Variants in OXR1 observed in about 807,000 individuals in gnomAD.
The protein encoded by OXR1 is oxidation resistance protein 1.
In OXR1, 41 loss-of-function variants were observed where a neutral mutation model predicts 104.6. The ratio of observed to expected loss-of-function variants is 0.39; its 90% CI spans 0.31 to 0.51. The LOEUF (loss-of-function observed/expected upper bound fraction) is 0.51. Ranked by LOEUF, OXR1 falls within the 20% of genes least tolerant of loss-of-function variation. The pLI, the probability that OXR1 is intolerant of heterozygous loss-of-function variation, is 0.77. For synonymous variants in OXR1, 348 were observed against 348.4 expected (o/e 1.00, Z 0.01); for missense variants, 955 against 1,031.9 (o/e 0.93, Z 1.02).
intron 1 of OXR1, among the ~76,000 whole-genome samples, chr8:106,315,717 G>A (rs976054147): frequency 2.6e-5 from 4 of 152,120 alleles, no homozygotes; most frequent in Non-Finnish European, 5.9e-5. Context: ...TCTCCATTTC[G>A]TAGAAAGGAA....
chr8:106,573,464 T>C (rs1817619656), intron 3 of OXR1, among the ~76,000 whole-genome samples: 1 of 152,150 alleles, frequency 6.6e-6, no homozygotes, highest in Non-Finnish European at 1.5e-5. Flanking sequence ...GCAGAGATGC[T>C]GTATTCAGTA....
At chr8:106,298,084 G>T (rs762941746) in intron 1 of OXR1, among the ~76,000 whole-genome samples, 7 of 152,094 alleles carry the variant, frequency 4.6e-5, no homozygotes, top group Non-Finnish European at 1.0e-4. Flanking sequence ...AGTATGATTT[G>T]TTTCTCTGCC....
In OXR1 at chr8:106,485,960, G is replaced by A. The variant is rs78283786; in HGVS notation, c.24-32983G>A. Among the ~76,000 whole-genome samples the A allele has an allele frequency of 6.6e-5, 10 of 151,888 alleles. No homozygotes were observed. In the East Asian group the frequency reaches 7.8e-4, roughly 12 times the overall value. On this transcript the variant is annotated intron_variant, in intron 2 of 16. Coordinates refer to ENST00000517566, the MANE Select transcript of OXR1 (RefSeq NM_001198533.2). Reference sequence around the variant, plus strand: ...GTGGTTACCAACAGCTGGGACAGAGGGGGTGGGGGTGGAGTTTGAGGAGAT... The same window carrying A: ...GTGGTTACCAACAGCTGGGACAGAGAGGGTGGGGGTGGAGTTTGAGGAGAT...
chr8:106,291,737 TAGACACAGTTCCACATGGCTGGGG>T (rs1352197773), intron 1 of OXR1, among the ~76,000 whole-genome samples: 1 of 152,290 alleles, frequency 6.6e-6, no homozygotes, highest in East Asian at 1.9e-4. Context: ...GGAGGTTTAA[TAGACACAGTTCCACATGGCTGGGG>T]AGGGCTCACA....
chr8:106,443,721 G>A (rs896420948), intron 2 of OXR1, among the ~76,000 whole-genome samples: 6 of 152,176 alleles, frequency 3.9e-5, no homozygotes. Context: ...AAGAGACTAG[G>A]ATTGCAACCC....
At chr8:106,718,483 G>A (rs11988518) in intron 11 of OXR1, among the ~76,000 whole-genome samples, 44,275 of 152,014 alleles carry the variant, frequency 0.29, 8,225 homozygotes, top group African/African-American at 0.53. Context: ...TACTGCTCAC[G>A]ATGTGTAAAG....
At chr8:106,336,712 T>C (rs903103254) in intron 1 of OXR1, among the ~76,000 whole-genome samples, 10 of 152,246 alleles carry the variant, frequency 6.6e-5, no homozygotes, top group Non-Finnish European at 1.0e-4. Context: ...CTTCTGAAGA[T>C]ATTTCATTTT....
intron 2 of OXR1, among the ~76,000 whole-genome samples, chr8:106,491,811 G>A (rs1811105899): frequency 6.6e-6 from 1 of 152,216 alleles, no homozygotes; most frequent in African/African-American, 2.4e-5. Context: ...AAATTCATAG[G>A]TATCAATTGA....
At chr8:106,491,662 C>T (rs996948117) in intron 2 of OXR1, among the ~76,000 whole-genome samples, 10 of 152,112 alleles carry the variant, frequency 6.6e-5, no homozygotes, top group Admixed American at 3.3e-4. Flanking sequence ...ACACTTCTGC[C>T]GGGTGAGGAC....
At chr8:106,682,716 C>G (rs563107429) in intron 4 of OXR1, among the ~76,000 whole-genome samples, 1 of 152,164 alleles carries the variant, frequency 6.6e-6, no homozygotes, top group South Asian at 2.1e-4. Flanking sequence ...ACGAATGATT[C>G]AGAACTAAAT....
At chr8:106,408,327 G>T (rs763465076) in intron 2 of OXR1, among the ~76,000 whole-genome samples, 27 of 151,626 alleles carry the variant, frequency 1.8e-4, no homozygotes, top group Admixed American at 8.5e-4. Flanking sequence ...CACTGCTCTT[G>T]CAATTTTTAA....
chr8:106,692,925 T>A, intron 7 of OXR1, 48 bp downstream of exon 7: 1 of 1,316,580 alleles, frequency 7.6e-7, no homozygotes, highest in Non-Finnish European at 1.1e-6. Flanking sequence ...CTTTAGTTAT[T>A]ACTAATGTAT....
At chr8:106,294,546 A>G (rs992077190) in intron 1 of OXR1, among the ~76,000 whole-genome samples, 11 of 152,102 alleles carry the variant, frequency 7.2e-5, no homozygotes, top group African/African-American at 2.4e-4. Flanking sequence ...GAAGCTTACA[A>G]TCATGGCAGA....
intron 4 of OXR1, among the ~76,000 whole-genome samples, chr8:106,680,208 A>G (rs1828012167): frequency 6.6e-6 from 1 of 152,088 alleles, no homozygotes; most frequent in Non-Finnish European, 1.5e-5. Flanking sequence ...GATGAAATAA[A>G]ATTTACTAAT....
chr8:106,296,366 CTAA>C (rs1423765067), intron 1 of OXR1, among the ~76,000 whole-genome samples: 3 of 152,086 alleles, frequency 2.0e-5, no homozygotes, highest in Admixed American at 1.3e-4. Context: ...GATGATAGTA[CTAA>C]TAATGATATT....
intron 1 of OXR1, among the ~76,000 whole-genome samples, chr8:106,287,210 C>A (rs900835164): frequency 2.0e-5 from 3 of 152,122 alleles, no homozygotes; most frequent in African/African-American, 7.2e-5. Flanking sequence ...CTCATGATTT[C>A]TTTATGAAAA....
chr8:106,705,006 G>A (rs376068048), intron 8 of OXR1, among the ~76,000 whole-genome samples: 1 of 152,198 alleles, frequency 6.6e-6, no homozygotes, highest in African/African-American at 2.4e-5. Flanking sequence ...CTCCTTGGGA[G>A]GTTGATTTCA....
intron 2 of OXR1, among the ~76,000 whole-genome samples, chr8:106,497,356 A>C (rs960995277): frequency 6.6e-6 from 1 of 152,188 alleles, no homozygotes; most frequent in Non-Finnish European, 1.5e-5. Context: ...GTAGTTAGTC[A>C]CTTTTTGTGA....
At chr8:106,554,193 C>T (rs543606653) in intron 3 of OXR1, among the ~76,000 whole-genome samples, 11 of 152,208 alleles carry the variant, frequency 7.2e-5, no homozygotes, top group Admixed American at 5.2e-4. Context: ...TCATGTGCCC[C>T]GGATGTGATA....
Sources: gnomAD v4.1 joint callset for allele counts (sites outside exome capture counted in the v4.1 genomes callset) on GRCh38, gnomAD v4.1.1 for gene constraint, MANE v1.5 for transcripts, NCBI Gene and HGNC (gene_info 2026-07-23, HGNC 2026-07-21) for gene names.